SLC4A10: variants seen among roughly 807,000 people sequenced by gnomAD.
The protein encoded by SLC4A10 is sodium-driven chloride bicarbonate exchanger.
In SLC4A10, 42 loss-of-function variants were observed where a neutral mutation model predicts 137.7. The observed-to-expected ratio is 0.30, with a 90% CI of 0.24 to 0.39. The LOEUF is 0.39. Ranked by LOEUF, SLC4A10 falls within the 10% of genes least tolerant of loss-of-function variation. The probability of loss-of-function intolerance (pLI) is 1.00; values close to 1 mark genes in which losing one functional copy is unlikely to be tolerated. For missense variants in SLC4A10, 925 were observed against 1,355.0 expected, an observed-to-expected ratio of 0.68 and a Z score of 4.98; for synonymous variants, 474 against 464.1, an observed-to-expected ratio of 1.02 and a Z score of -0.27.
In SLC4A10 at chr2:161,784,965, T is replaced by A. The variant is rs1034653400; in HGVS notation, c.130+13911T>A. On this transcript the variant is annotated intron_variant, in intron 2 of 26. Coordinates refer to ENST00000446997, the MANE Select transcript of SLC4A10 (RefSeq NM_001178015.2). ...AAAAAATCAATGAAATTGGGTTTTT[T>A]TTTAAAAGATAAAATTGACAAACCT... Among the ~76,000 whole-genome samples the A allele has an allele frequency of 2.6e-5, 4 of 151,406 alleles. No homozygotes were observed. The East Asian group carries it at 7.7e-4, about 29-fold the overall frequency.
chr2:161,753,075 A>T (rs1297373404), intron 1 of SLC4A10, among the ~76,000 whole-genome samples: 1 of 152,198 alleles, frequency 6.6e-6, no homozygotes, highest in African/African-American at 2.4e-5. Context: ...AAGGAGGATA[A>T]AATGAAGTAT....
intron 2 of SLC4A10, among the ~76,000 whole-genome samples, chr2:161,792,502 T>G (rs532109051): frequency 6.6e-6 from 1 of 152,160 alleles, no homozygotes; most frequent in African/African-American, 2.4e-5. Flanking sequence ...AGTTGTACCA[T>G]GAAGGTGGCA....
intron 1 of SLC4A10, among the ~76,000 whole-genome samples, chr2:161,689,197 T>A (rs935182371): frequency 9.2e-5 from 14 of 152,112 alleles, no homozygotes; most frequent in Admixed American, 3.9e-4. Flanking sequence ...TAAAAATAAA[T>A]TTATTGTAGC....
intron 3 of SLC4A10, among the ~76,000 whole-genome samples, chr2:161,837,828 C>A (rs746007715): frequency 1.8e-4 from 27 of 152,160 alleles, no homozygotes; most frequent in Non-Finnish European, 3.7e-4. Context: ...GGAGATCGGG[C>A]CTTTGGGATG....
intron 23 of SLC4A10, among the ~76,000 whole-genome samples, chr2:161,969,164 C>A (rs1559652902): frequency 6.6e-6 from 1 of 152,162 alleles, no homozygotes; most frequent in Non-Finnish European, 1.5e-5. Flanking sequence ...AAGCTTTTAC[C>A]TTTAGCCTCC....
At position 161,829,900 on chromosome 2, in the gene SLC4A10, AC is replaced by A. The variant is rs113727726; in HGVS notation, c.278-9887del. 2.0e-3 allele frequency among the ~76,000 whole-genome samples: 308 copies of A among 152,174 alleles called. 2 individuals are homozygous for A. Among genetic ancestry groups the A allele is most frequent in the African/African-American group, 7.0e-3 (292 of 41,518 alleles). ...AGCAAAAGGGGTTTCCCCTTATAAA[AC>A]CATCAGATCTCATGAGACTTATTCA... On this transcript the variant is annotated intron_variant, in intron 3 of 26. Transcript: ENST00000446997.
chr2:161,767,228 A>ATATATATATT (rs1283330950), intron 1 of SLC4A10, among the ~76,000 whole-genome samples: 3 of 121,960 alleles, frequency 2.5e-5, no homozygotes, highest in Non-Finnish European at 1.7e-5. Context: ...ATATATATAT[A>ATATATATATT]TATACACATA....
rs188272130 is a variant in SLC4A10 at position 161,759,410 on chromosome 2, C to T, written c.49-11563C>T. On this transcript the variant is annotated intron_variant, in intron 1 of 26. Coordinates refer to ENST00000446997, the MANE Select transcript of SLC4A10 (RefSeq NM_001178015.2). The stretch of plus-strand genomic sequence containing the variant: ...TATTATTAACTATAGTCATCATGCT[C>T]CACATTAGGTCCCCAAAACTTATTC... Among the ~76,000 whole-genome samples, 3 of 152,024 alleles carry T rather than the reference C, an allele frequency of 2.0e-5. No individual in the cohort carries two copies. The East Asian group carries it at 5.8e-4, about 29-fold the overall frequency.
chr2:161,854,636 A>G (rs2060001795), intron 4 of SLC4A10, among the ~76,000 whole-genome samples: 3 of 152,308 alleles, frequency 2.0e-5, no homozygotes, highest in South Asian at 2.1e-4. Context: ...TTAACTTTCC[A>G]TGAAGTATAC....
At chr2:161,789,241 A>G (rs1161765274) in intron 2 of SLC4A10, among the ~76,000 whole-genome samples, 1 of 152,178 alleles carries the variant, frequency 6.6e-6, no homozygotes, top group Non-Finnish European at 1.5e-5. Context: ...TCAAGGGCAG[A>G]GGGGTTCTCT....
chr2:161,947,781 A>T, intron 17 of SLC4A10, 54 bp downstream of exon 17: 1 of 1,557,306 alleles, frequency 6.4e-7, no homozygotes, highest in Non-Finnish European at 8.7e-7. Flanking sequence ...CAAAAGAAAG[A>T]GTAATTGATG....
chr2:161,697,982 T>G (rs908933131), intron 1 of SLC4A10, among the ~76,000 whole-genome samples: 1 of 152,260 alleles, frequency 6.6e-6, no homozygotes, highest in Non-Finnish European at 1.5e-5. Context: ...TTTTATTTCA[T>G]TGAGCAGTGG....
chr2:161,947,540 T>TCC (rs761686379), intron 16 of SLC4A10, 26 bp from the exon 17 acceptor site: 1 of 1,602,338 alleles, frequency 6.2e-7, no homozygotes, highest in South Asian at 1.1e-5. Context: ...TCTTAGTAGC[T>TCC]CCATTTGTTT....
intron 10 of SLC4A10, among the ~76,000 whole-genome samples, chr2:161,891,483 A>C (rs2062917835): frequency 1.3e-5 from 2 of 151,832 alleles, no homozygotes; most frequent in African/African-American, 4.8e-5. Flanking sequence ...TCTTGGAGGC[A>C]TTGTTCATTC....
chr2:161,644,910 C>T (rs2035820899), intron 1 of SLC4A10, among the ~76,000 whole-genome samples: 1 of 151,998 alleles, frequency 6.6e-6, no homozygotes, highest in African/African-American at 2.4e-5. Flanking sequence ...CCTTTTTGGA[C>T]TACAATTTGA....
intron 9 of SLC4A10, among the ~76,000 whole-genome samples, chr2:161,882,124 G>A (rs1258421278): frequency 3.4e-5 from 5 of 146,766 alleles, no homozygotes; most frequent in African/African-American, 1.0e-4. Flanking sequence ...GAGAAACACT[G>A]TGATAAAAAA....
intron 2 of SLC4A10, among the ~76,000 whole-genome samples, chr2:161,791,542 G>A (rs966599866): frequency 6.6e-6 from 1 of 152,080 alleles, no homozygotes; most frequent in Non-Finnish European, 1.5e-5. Context: ...TAGATGATGG[G>A]TTGATCTGTG....
chr2:161,719,228 T>C, intron 1 of SLC4A10, among the ~76,000 whole-genome samples: 1 of 152,134 alleles, frequency 6.6e-6, no homozygotes, highest in Non-Finnish European at 1.5e-5. Flanking sequence ...ACAAAGGACA[T>C]GAACTCATCA....
intron 14 of SLC4A10, among the ~76,000 whole-genome samples, chr2:161,905,440 C>G (rs1467532766): frequency 6.6e-6 from 1 of 152,190 alleles, no homozygotes; most frequent in Non-Finnish European, 1.5e-5. Context: ...CACTCACCTC[C>G]TGCTGTGCAA....
Sources: allele counts gnomAD v4.1 joint callset (sites outside exome capture counted in the v4.1 genomes callset), GRCh38; gene constraint gnomAD v4.1.1; transcripts MANE v1.5; gene names NCBI Gene and HGNC (gene_info 2026-07-23, HGNC 2026-07-21).